Variants in ERC2 observed in about 807,000 individuals in gnomAD.
ERC2 encodes the protein ERC protein 2.
A neutral mutation model predicts 114.8 loss-of-function variants in ERC2; 42 were observed. That is an observed-to-expected ratio of 0.37 (90% confidence interval 0.29 to 0.47). The LOEUF (loss-of-function observed/expected upper bound fraction) is 0.47, where lower values mean the gene tolerates loss of function less well. Ranked by LOEUF, ERC2 falls within the 20% of genes least tolerant of loss-of-function variation. ERC2 has a pLI of 0.99. For synonymous variants in ERC2, 454 were observed against 425.5 expected (o/e 1.07, Z -0.82); for missense variants, 939 against 1,150.7 (o/e 0.82, Z 2.66).
intron 17 of ERC2, among the ~76,000 whole-genome samples, chr3:55,665,599 G>C (rs1200581319): frequency 3.3e-5 from 5 of 152,146 alleles, no homozygotes; most frequent in Admixed American, 3.3e-4. Context: ...GAACACCAGA[G>C]ATTGCCACCA....
At chr3:55,951,831 C>T (rs185154541) in intron 12 of ERC2, among the ~76,000 whole-genome samples, 2 of 152,102 alleles carry the variant, frequency 1.3e-5, no homozygotes, top group East Asian at 1.9e-4. Context: ...AAACAGCAAA[C>T]GTGAAATTGA....
chr3:55,781,966 C>A (rs538164218), intron 14 of ERC2, among the ~76,000 whole-genome samples: 2 of 151,824 alleles, frequency 1.3e-5, no homozygotes, highest in South Asian at 4.2e-4. Context: ...TTCCTTAACT[C>A]CACGTTGTTT....
chr3:56,426,398 A>G (rs2061570840), intron 2 of ERC2, among the ~76,000 whole-genome samples: 1 of 152,220 alleles, frequency 6.6e-6, no homozygotes, highest in South Asian at 2.1e-4. Context: ...CCTTTCCCAA[A>G]GTGTGGCCTT....
intron 2 of ERC2, among the ~76,000 whole-genome samples, chr3:56,368,293 AT>A (rs2059233222): frequency 6.6e-6 from 1 of 151,754 alleles, no homozygotes; most frequent in Admixed American, 6.6e-5. Flanking sequence ...CACTCAGACT[AT>A]TTGCCACCTC....
intron 17 of ERC2, among the ~76,000 whole-genome samples, chr3:55,534,664 C>CGTGT (rs1480162182): frequency 6.6e-6 from 1 of 152,030 alleles, no homozygotes; most frequent in Non-Finnish European, 1.5e-5. Context: ...TCACTGCACT[C>CGTGT]CAGCCTGGGC....
chr3:56,221,419 G>T (rs1045335504), intron 3 of ERC2, among the ~76,000 whole-genome samples: 1 of 150,346 alleles, frequency 6.7e-6, no homozygotes, highest in Non-Finnish European at 1.5e-5. Context: ...AGTAATTCTT[G>T]CTCATTGACT....
chr3:55,932,542 C>T (rs1211023277), intron 13 of ERC2, among the ~76,000 whole-genome samples: 1 of 152,130 alleles, frequency 6.6e-6, no homozygotes, highest in Non-Finnish European at 1.5e-5. Flanking sequence ...ATGCACTGCC[C>T]CCAAATATTT....
chr3:55,730,129 C>T (rs79252878), intron 15 of ERC2, among the ~76,000 whole-genome samples: 5,032 of 152,160 alleles, frequency 0.033, 265 homozygotes, highest in African/African-American at 0.11. Flanking sequence ...TGGCTCACAA[C>T]ATTGCTTTAG....
intron 7 of ERC2, among the ~76,000 whole-genome samples, chr3:56,020,950 T>A (rs1192441989): frequency 6.6e-6 from 1 of 151,778 alleles, no homozygotes; most frequent in Non-Finnish European, 1.5e-5. Context: ...CAGGTAGGGG[T>A]CAAGAGCTGA....
intron 3 of ERC2, among the ~76,000 whole-genome samples, chr3:56,283,251 A>G (rs998845001): frequency 6.6e-6 from 1 of 152,200 alleles, no homozygotes; most frequent in Non-Finnish European, 1.5e-5. Context: ...CTAAACCTTG[A>G]CATGCATCAT....
chr3:56,075,467 T>C (rs1239724218), intron 7 of ERC2, among the ~76,000 whole-genome samples: 3 of 152,220 alleles, frequency 2.0e-5, no homozygotes, highest in African/African-American at 7.2e-5. Context: ...AGACCAGATA[T>C]TGGGACCCCA....
At chr3:55,626,137 A>G (rs564145541) in intron 17 of ERC2, among the ~76,000 whole-genome samples, 1 of 152,236 alleles carries the variant, frequency 6.6e-6, no homozygotes, top group Admixed American at 6.5e-5. Context: ...ATGAGCAGCT[A>G]AGGAAGTGGT....
chr3:56,148,152 G>A (rs895245720), intron 5 of ERC2, among the ~76,000 whole-genome samples: 7 of 152,152 alleles, frequency 4.6e-5, no homozygotes, highest in African/African-American at 1.4e-4. Context: ...ACCCAATGAC[G>A]TAGGTATTTT....
intron 2 of ERC2, 39 bp from the exon 3 acceptor site, chr3:56,296,474 G>C: frequency 6.4e-7 from 1 of 1,552,942 alleles, no homozygotes; most frequent in Non-Finnish European, 8.7e-7. Context: ...GAGAAAGAAG[G>C]AAAAAAAGTC....
chr3:55,956,164 C>G (rs1009160119), intron 12 of ERC2, among the ~76,000 whole-genome samples: 1 of 152,128 alleles, frequency 6.6e-6, no homozygotes, highest in African/African-American at 2.4e-5. Flanking sequence ...TTCCAAATAC[C>G]TCAAACAATG....
intron 12 of ERC2, among the ~76,000 whole-genome samples, chr3:55,966,603 C>T (rs2068764683): frequency 2.6e-5 from 4 of 152,100 alleles, no homozygotes; most frequent in East Asian, 1.9e-4. Flanking sequence ...AGGAAAGCAA[C>T]GTGCTTAGAA....
chr3:55,761,440 T>C (rs2067422202), intron 14 of ERC2, among the ~76,000 whole-genome samples: 1 of 152,182 alleles, frequency 6.6e-6, no homozygotes, highest in African/African-American at 2.4e-5. Context: ...TATCTCAGGC[T>C]TTCCATGTGT....
intron 17 of ERC2, among the ~76,000 whole-genome samples, chr3:55,560,780 C>T (rs1233008225): frequency 2.0e-5 from 3 of 152,134 alleles, no homozygotes; most frequent in East Asian, 1.9e-4. Flanking sequence ...TACATTTCAG[C>T]GAAGAATGAG....
At chr3:55,907,952 T>C (rs571904256) in intron 13 of ERC2, among the ~76,000 whole-genome samples, 9 of 151,828 alleles carry the variant, frequency 5.9e-5, no homozygotes, top group African/African-American at 2.2e-4. Context: ...AGGAGCAGAG[T>C]GTTAGAGGCA....
Sources: allele counts gnomAD v4.1 joint callset (sites outside exome capture counted in the v4.1 genomes callset), GRCh38; gene constraint gnomAD v4.1.1; transcripts MANE v1.5; gene names NCBI Gene and HGNC (gene_info 2026-07-23, HGNC 2026-07-21).